The following PROM1 variants were observed in gnomAD, a reference collection of about 807,000 sequenced individuals.
The protein encoded by PROM1 is prominin 1.
In PROM1, 105 loss-of-function variants were observed where a neutral mutation model predicts 116.9. That is an observed-to-expected ratio of 0.90 (90% CI 0.77 to 1.06). The LOEUF is 1.06. Among genes scored for constraint, PROM1 ranks in the 50% least tolerant of loss-of-function variants. The probability of loss-of-function intolerance (pLI) is 0.00; values close to 1 mark genes in which losing one functional copy is unlikely to be tolerated. For missense variants in PROM1, 1,122 were observed against 1,045.2 expected (o/e 1.07, Z -1.01); for synonymous variants, 393 against 387.0 (o/e 1.02, Z -0.18).
intron 2 of PROM1, among the ~76,000 whole-genome samples, chr4:16,058,067 G>A (rs963735551): frequency 2.0e-5 from 3 of 152,082 alleles, no homozygotes; most frequent in African/African-American, 7.2e-5. Flanking sequence ...TTTTTCCAAG[G>A]GCTCTCACAA....
intron 2 of PROM1, among the ~76,000 whole-genome samples, chr4:16,049,039 C>G (rs1463800527): frequency 6.6e-6 from 1 of 152,198 alleles, no homozygotes; most frequent in East Asian, 1.9e-4. Flanking sequence ...GCTGGGGCTC[C>G]CCGACAGTGC....
At position 15,971,387 on chromosome 4, in the gene PROM1, T is replaced by C. The variant is rs187177438; in HGVS notation, c.2583-305A>G. Reference sequence around the variant, plus strand: ...CACTAAGAATACGTGTTGAAGACATTAGACCAGCAGCAACACAGCAGTACA... The same window carrying C: ...CACTAAGAATACGTGTTGAAGACATCAGACCAGCAGCAACACAGCAGTACA... On this transcript the variant is annotated intron_variant, in intron 26 of 27. Coordinates refer to ENST00000447510, the MANE Select transcript of PROM1 (RefSeq NM_006017.3). 3.0e-4 allele frequency: 91 copies of C among 302,978 alleles called. No homozygotes were observed. In the East Asian group the frequency reaches 4.9e-3, roughly 16 times the overall value. 18.8% of individuals were successfully genotyped at this position (302,978 alleles called of 1,614,324 possible).
intron 5 of PROM1, among the ~76,000 whole-genome samples, chr4:16,028,157 G>GA (rs1731797089): frequency 6.6e-6 from 1 of 151,518 alleles, no homozygotes; most frequent in Non-Finnish European, 1.5e-5. Flanking sequence ...TTATTAAAGA[G>GA]AAAAAGAAAA....
intron 2 of PROM1, among the ~76,000 whole-genome samples, chr4:16,044,772 T>C (rs563261660): frequency 6.6e-6 from 1 of 152,318 alleles, no homozygotes; most frequent in South Asian, 2.1e-4. Context: ...ATATAAGACT[T>C]TCTGCAGGCA....
In PROM1 at chr4:15,980,407, A is replaced by T. The variant is rs1360727780; in HGVS notation, c.2489+15T>A. The T allele has an allele frequency of 6.7e-7, 1 of 1,493,948 alleles. No homozygotes were observed. The highest frequency in any genetic ancestry group is 2.5e-5 in the East Asian group (1 of 40,702). 92.5% of individuals were successfully genotyped at this position (1,493,948 alleles called of 1,614,324 possible). On this transcript the variant is annotated intron_variant, in intron 24 of 27. Coordinates refer to ENST00000447510, the MANE Select transcript of PROM1 (RefSeq NM_006017.3). ...AGAAAATGACCCCCACGTCTGTGGA[A>T]GCCCACATACTTACTCATCGTACAC...
chr4:15,987,083 T>C (rs932301070), intron 20 of PROM1, among the ~76,000 whole-genome samples: 1 of 152,128 alleles, frequency 6.6e-6, no homozygotes, highest in Non-Finnish European at 1.5e-5. Context: ...GAGCGTGGAG[T>C]ATACTTCCCC....
chr4:16,031,267 T>G (rs144885470), intron 5 of PROM1, among the ~76,000 whole-genome samples: 1 of 152,096 alleles, frequency 6.6e-6, no homozygotes, highest in African/African-American at 2.4e-5. Context: ...AGTCTCATCT[T>G]TGAGGTCCAG....
intron 12 of PROM1, 27 bp from the exon 13 acceptor site, chr4:16,006,717 T>C (rs1725599291): frequency 3.7e-6 from 6 of 1,609,364 alleles, no homozygotes; most frequent in Admixed American, 3.4e-5. Flanking sequence ...AGTGTTAGTA[T>C]ACATGACACA....
chr4:16,042,822 C>T lies in PROM1; in HGVS notation c.221-3821G>A, dbSNP rs577575161. Among the ~76,000 whole-genome samples, 32 of 152,218 alleles carry T rather than the reference C, an allele frequency of 2.1e-4. No individual in the cohort carries two copies. The South Asian group carries it at 5.4e-3, about 26-fold the overall frequency. On this transcript the variant is annotated intron_variant, in intron 2 of 27. Transcript: ENST00000447510. ...AACTACCTATCTCAGTGAGAGCAGA[C>T]GTTCACCCTATACATCAACGGAGCT...
At chr4:16,065,570 G>A (rs1235994777) in intron 2 of PROM1, among the ~76,000 whole-genome samples, 3 of 152,172 alleles carry the variant, frequency 2.0e-5, no homozygotes, top group African/African-American at 7.2e-5. Context: ...TTGAGAGCAA[G>A]GGAACCCAGT....
At chr4:15,972,787 C>T (rs1714929820) in intron 26 of PROM1, among the ~76,000 whole-genome samples, 1 of 152,208 alleles carries the variant, frequency 6.6e-6, no homozygotes, top group Non-Finnish European at 1.5e-5. Context: ...TACATGACAT[C>T]TGAGACTCTC....
intron 5 of PROM1, among the ~76,000 whole-genome samples, chr4:16,028,939 T>C (rs1732031253): frequency 6.6e-6 from 1 of 152,240 alleles, no homozygotes; most frequent in South Asian, 2.1e-4. Context: ...TACAAGCTTT[T>C]TACAGAGTAA....
At chr4:15,987,021 A>G (rs1349290989) in intron 20 of PROM1, among the ~76,000 whole-genome samples, 1 of 152,194 alleles carries the variant, frequency 6.6e-6, no homozygotes, top group Admixed American at 6.5e-5. Context: ...TGTGGTAGGT[A>G]GATTGCATTA....
In PROM1 at chr4:16,048,885, C is replaced by T. The variant is rs559120381; in HGVS notation, c.221-9884G>A. ...ATGTAGCATGTGGTACAGCCCAGCC[C>T]GTAACTGGGAAGATTATCATTTCCA... is the stretch of plus-strand genomic sequence containing the variant. On this transcript the variant is annotated intron_variant, in intron 2 of 27. Transcript: ENST00000447510. 3.7e-4 allele frequency among the ~76,000 whole-genome samples: 57 copies of T among 152,286 alleles called. No homozygotes were observed. In the South Asian group the frequency reaches 9.1e-3, roughly 24 times the overall value.
intron 2 of PROM1, among the ~76,000 whole-genome samples, chr4:16,052,509 C>G (rs1437096274): frequency 3.9e-5 from 6 of 152,188 alleles, no homozygotes; most frequent in Admixed American, 6.5e-5. Flanking sequence ...CAGAGTCTTA[C>G]TTGGTCACTC....
intron 10 of PROM1, among the ~76,000 whole-genome samples, chr4:16,015,066 C>T (rs1321879838): frequency 6.8e-6 from 1 of 148,116 alleles, no homozygotes; most frequent in Middle Eastern, 3.4e-3. Context: ...GATATATGGA[C>T]CGGGCGTGAC....
In PROM1 at chr4:15,972,392, T is replaced by A. The variant is rs193120895; in HGVS notation, c.2583-1310A>T. ...TGGTGAGGGCTTTCATGACGCATCATCCCATAATGGAAGGGCAAATGAGTG... is the reference window on the plus strand; with the variant it reads ...TGGTGAGGGCTTTCATGACGCATCAACCCATAATGGAAGGGCAAATGAGTG... On this transcript the variant is annotated intron_variant, in intron 26 of 27. Transcript: ENST00000447510. Among the ~76,000 whole-genome samples, 271 of 152,176 alleles carry A rather than the reference T, an allele frequency of 1.8e-3. 2 individuals carry two copies. Among genetic ancestry groups the A allele is most frequent in the African/African-American group, 6.1e-3 (254 of 41,526 alleles).
At chr4:15,986,851 T>C (rs1719543581) in intron 20 of PROM1, among the ~76,000 whole-genome samples, 1 of 152,214 alleles carries the variant, frequency 6.6e-6, no homozygotes, top group Non-Finnish European at 1.5e-5. Context: ...AGTTTTATCC[T>C]GTGGGGCTGA....
At chr4:16,030,647 C>T (rs1009482924) in intron 5 of PROM1, among the ~76,000 whole-genome samples, 4 of 152,124 alleles carry the variant, frequency 2.6e-5, no homozygotes, top group African/African-American at 9.7e-5. Flanking sequence ...TATATTTTGG[C>T]ATTTTCAACA....
Sources: allele counts gnomAD v4.1 joint callset (sites outside exome capture counted in the v4.1 genomes callset), GRCh38; gene constraint gnomAD v4.1.1; transcripts MANE v1.5; gene names NCBI Gene and HGNC (gene_info 2026-07-23, HGNC 2026-07-21).